The following SLC23A2 variants were observed in gnomAD, a reference collection of about 807,000 sequenced individuals.
SLC23A2 encodes the protein solute carrier family 23 member 2, also known as Na(+)/L-ascorbic acid transporter 2.
A neutral mutation model predicts 73.3 loss-of-function variants in SLC23A2; 36 were observed. That is an observed-to-expected ratio of 0.49 (90% CI 0.38 to 0.65). The LOEUF (loss-of-function observed/expected upper bound fraction) is 0.65. Ranked by LOEUF, SLC23A2 falls within the 30% of genes least tolerant of loss-of-function variation. The pLI, the probability that SLC23A2 is intolerant of heterozygous loss-of-function variation, is 0.00. For missense variants in SLC23A2, 507 were observed against 841.6 expected, an observed-to-expected ratio of 0.60 and a Z score of 4.92; for synonymous variants, 343 against 327.3, an observed-to-expected ratio of 1.05 and a Z score of -0.52.
At chr20:4,924,745 C>A (rs889985653) in intron 3 of SLC23A2, among the ~76,000 whole-genome samples, 45 of 152,256 alleles carry the variant, frequency 3.0e-4, no homozygotes, top group African/African-American at 1.1e-3. Flanking sequence ...TACTCAAAGG[C>A]CGCCTTCTTG....
intron 6 of SLC23A2, among the ~76,000 whole-genome samples, chr20:4,897,652 T>G (rs573003973): frequency 6.6e-6 from 1 of 152,302 alleles, no homozygotes; most frequent in African/African-American, 2.4e-5. Flanking sequence ...TTAGGTCTTG[T>G]GCCCCAACAG....
Position 4,998,562 on chromosome 20 carries a change from C to T in SLC23A2, c.-282+2844G>A, listed in dbSNP as rs576109227. On this transcript the variant is annotated intron_variant, in intron 1 of 16. Transcript: ENST00000338244. This position sits in a 1 kb window ranked among gnomAD's most constrained non-coding sequence, Gnocchi z 4.1. ...TCCCTACAGAAAGAATAAAAGCAAG[C>T]CCAGAGAACAACTGGAGGAATAGCA... 2.8e-4 allele frequency among the ~76,000 whole-genome samples: 43 copies of T among 151,742 alleles called. No homozygotes were observed. Among genetic ancestry groups the T allele is most frequent in the African/African-American group, 8.9e-4 (37 of 41,394 alleles).
intron 2 of SLC23A2, among the ~76,000 whole-genome samples, chr20:4,954,698 C>CAAAAAAAA (rs200579910): frequency 2.9e-4 from 16 of 54,460 alleles, no homozygotes; most frequent in East Asian, 6.1e-4. Context: ...GACTCCATCA[C>CAAAAAAAA]AAAAAAAAAA....
At chr20:4,892,979 G>C (rs527315360) in intron 6 of SLC23A2, among the ~76,000 whole-genome samples, 1 of 152,166 alleles carries the variant, frequency 6.6e-6, no homozygotes, top group East Asian at 1.9e-4. Context: ...ATGTTCTTAG[G>C]TGTGACAAAT....
At chr20:5,001,055 G>A (rs1033628765) in intron 1 of SLC23A2, among the ~76,000 whole-genome samples, 2 of 152,074 alleles carry the variant, frequency 1.3e-5, no homozygotes, top group African/African-American at 4.8e-5. Flanking sequence ...CAGCCAGTGG[G>A]GTTCTGGGGG....
intron 1 of SLC23A2, among the ~76,000 whole-genome samples, chr20:4,987,132 T>C (rs1206289994): frequency 6.6e-6 from 1 of 151,716 alleles, no homozygotes; most frequent in Non-Finnish European, 1.5e-5. Flanking sequence ...CAGAAGCAAG[T>C]GCAAAAAGAA....
At chr20:5,006,223 G>A (rs910032435), upstream of SLC23A2, among the ~76,000 whole-genome samples, 5 of 150,574 alleles carry the variant, frequency 3.3e-5, no homozygotes, top group African/African-American at 9.7e-5. Flanking sequence ...TCAGCCTCCC[G>A]AGTAGCTGGG....
chr20:4,997,598 A>G (rs1407812090), intron 1 of SLC23A2, among the ~76,000 whole-genome samples: 1 of 152,100 alleles, frequency 6.6e-6, no homozygotes, highest in East Asian at 1.9e-4. Context: ...AGTTTAAATG[A>G]GTTCTTAAGG....
rs1452361960 is a variant in SLC23A2, at chr20:4,885,862, C to T, written c.530G>A (p.Arg177Gln). 2 of 1,613,796 alleles carry T rather than the reference C, an allele frequency of 1.2e-6. No individual in the cohort carries two copies. The highest frequency in any genetic ancestry group is 1.7e-6 in the Non-Finnish European group (2 of 1,179,830). The change falls in exon 7 of 17, where the codon CGA (arginine) becomes CAA (glutamine). Residue 177 changes from arginine to glutamine, a missense_variant. Transcript: ENST00000338244. ...CCATTTATCTAAAGACAGGATGGCT[C>T]GAGCAGGGGCCAAAAATGCAAAAGC... ...ASAFAFLAPA[R>Q]AILSLDKWKC...
chr20:4,997,493 T>G (rs865981075), intron 1 of SLC23A2, among the ~76,000 whole-genome samples: 2 of 152,264 alleles, frequency 1.3e-5, no homozygotes, highest in Middle Eastern at 6.8e-3. Flanking sequence ...TGAACTCAAC[T>G]GTATCCCCCA....
chr20:4,911,862 G>A (rs963685097), intron 4 of SLC23A2, among the ~76,000 whole-genome samples: 1 of 151,530 alleles, frequency 6.6e-6, no homozygotes, highest in African/African-American at 2.4e-5. Flanking sequence ...ATTTTTTTTA[G>A]AGACAGGGTC....
chr20:4,867,803 G>A lies in SLC23A2; in HGVS notation c.1323C>T (p.Ser441=). 1.2e-6 allele frequency: 2 copies of A among 1,608,050 alleles called. No homozygotes were observed. The highest frequency in any genetic ancestry group is 1.7e-4 in the Middle Eastern group (1 of 6,046). The change falls in exon 13 of 17, where the codon TCC becomes TCT. Residue 441 remains serine (S), a synonymous_variant. Coordinates refer to ENST00000338244, the MANE Select transcript of SLC23A2 (RefSeq NM_005116.6). ...TTCCCAAAACTCCAATGTTGGGACTGGATGAAGTAGAGCCATTCCCAGTAC... is the reference window on the plus strand; with the variant it reads ...TTCCCAAAACTCCAATGTTGGGACTAGATGAAGTAGAGCCATTCCCAGTAC... The part of the protein sequence containing the change: ...IFGTGNGSTS[S]SPNIGVLGIT...
chr20:4,950,436 T>C (rs985905342), intron 2 of SLC23A2, among the ~76,000 whole-genome samples: 2 of 152,178 alleles, frequency 1.3e-5, no homozygotes, highest in Non-Finnish European at 2.9e-5. Context: ...ACTGTCACAT[T>C]GGAGAGCTGA....
At chr20:4,976,213 T>C (rs561567294) in intron 1 of SLC23A2, among the ~76,000 whole-genome samples, 76 of 152,172 alleles carry the variant, frequency 5.0e-4, no homozygotes, top group Non-Finnish European at 9.4e-4. Flanking sequence ...GAGTTTCTTA[T>C]AGGTTAAGGA....
chr20:4,899,583 T>C lies in SLC23A2; in HGVS notation c.454A>G (p.Thr152Ala). The C allele has an allele frequency of 6.2e-7, 1 of 1,614,044 alleles. No homozygotes were observed. Among genetic ancestry groups the C allele is most frequent in the Non-Finnish European group, 8.5e-7 (1 of 1,179,992 alleles). Residue 152 changes from threonine (T) to alanine (A), a missense_variant, in exon 6 of 17, where the codon ACT (threonine) becomes GCT (alanine). Coordinates refer to ENST00000338244, the MANE Select transcript of SLC23A2 (RefSeq NM_005116.6). The surrounding 1 kb of genome is among the most constrained non-coding windows in gnomAD (Gnocchi z 4.9). Reference sequence around the variant, plus strand: ...CATCCAAACGTTGTCTGTAGCAAAGTAGTGATTCCCACACAGAAGAAAATG... The same window carrying C: ...CATCCAAACGTTGTCTGTAGCAAAGCAGTGATTCCCACACAGAAGAAAATG... ...GTIFFCVGIT[T>A]LLQTTFGCRL... is the part of the protein sequence containing the mutation.
intron 13 of SLC23A2, among the ~76,000 whole-genome samples, chr20:4,864,513 CA>C (rs1930116155): frequency 6.6e-6 from 1 of 151,710 alleles, no homozygotes; most frequent in South Asian, 2.1e-4. Context: ...ACAAATCAAG[CA>C]AAAGCGACTC....
intron 2 of SLC23A2, among the ~76,000 whole-genome samples, chr20:4,965,315 G>A (rs1358232107): frequency 6.6e-6 from 1 of 152,100 alleles, no homozygotes; most frequent in Non-Finnish European, 1.5e-5. Context: ...ACTGTGTTCA[G>A]GGGTTCCTGA....
At chr20:4,873,828 G>A in intron 11 of SLC23A2, 108 bp downstream of exon 11, 1 of 1,114,078 alleles carries the variant, frequency 9.0e-7, no homozygotes, top group Admixed American at 2.3e-5. Flanking sequence ...AGAATGGCAA[G>A]GCCTTCAGGA....
At chr20:4,941,631 G>A (rs2122962774) in intron 2 of SLC23A2, among the ~76,000 whole-genome samples, 1 of 151,952 alleles carries the variant, frequency 6.6e-6, no homozygotes, top group African/African-American at 2.4e-5. Flanking sequence ...GAACCCAGGA[G>A]GCAGAGGTTG....
Sources: allele counts gnomAD v4.1 joint callset (sites outside exome capture counted in the v4.1 genomes callset), GRCh38; gene constraint gnomAD v4.1.1; non-coding constraint Gnocchi (gnomAD v3.1); transcripts MANE v1.5; gene names NCBI Gene and HGNC (gene_info 2026-07-23, HGNC 2026-07-21).